Variants in ADIPOR2 observed in about 807,000 individuals in gnomAD.
ADIPOR2 encodes adiponectin receptor protein 2.
In ADIPOR2, 18 loss-of-function variants were observed where a neutral mutation model predicts 40.9. The observed-to-expected ratio is 0.44, with a 90% CI of 0.30 to 0.65. ADIPOR2 has a LOEUF of 0.65. Ranked by LOEUF, ADIPOR2 falls within the 30% of genes least tolerant of loss-of-function variation. ADIPOR2 has a pLI of 0.09. For missense variants in ADIPOR2, 283 were observed against 479.2 expected, an observed-to-expected ratio of 0.59 and a Z score of 3.82; for synonymous variants, 165 against 166.4, an observed-to-expected ratio of 0.99 and a Z score of 0.06.
chr12:1,716,736 A>T (rs1202174082), intron 1 of ADIPOR2, among the ~76,000 whole-genome samples: 1 of 152,202 alleles, frequency 6.6e-6, no homozygotes, highest in Non-Finnish European at 1.5e-5. Context: ...ATTTATTTTC[A>T]GTCTTTATTT....
At position 1,695,011 on chromosome 12, in the gene ADIPOR2, G is replaced by GTTTTTT. The variant is rs199627849; in HGVS notation, c.-87+3831_-87+3836dup. Among the ~76,000 whole-genome samples the GTTTTTT allele has an allele frequency of 4.7e-4, 60 of 128,262 alleles. 1 individual carries two copies. Among genetic ancestry groups the GTTTTTT allele is most frequent in the Non-Finnish European group, 7.5e-4 (46 of 61,296 alleles). 84.1% of individuals were successfully genotyped at this position (128,262 alleles called of 152,430 possible). On this transcript the variant is annotated intron_variant, in intron 1 of 7. Transcript: ENST00000357103. Reference sequence around the variant, plus strand: ...CATAGGGCTTATTCTTTGTGTTGCAGTTTTTTTTTTTTTTTTGTTTTGTTT... The same window carrying GTTTTTT: ...CATAGGGCTTATTCTTTGTGTTGCAGTTTTTTTTTTTTTTTTTTTTTTGTTTTGTTT...
At chr12:1,714,452 C>T (rs188587805) in intron 1 of ADIPOR2, among the ~76,000 whole-genome samples, 15 of 152,196 alleles carry the variant, frequency 9.9e-5, no homozygotes, top group Non-Finnish European at 1.8e-4. Flanking sequence ...TCAATTGACC[C>T]TCGAGTGAGT....
intron 6 of ADIPOR2, among the ~76,000 whole-genome samples, chr12:1,781,443 C>CT: frequency 6.6e-6 from 1 of 152,010 alleles, no homozygotes; most frequent in East Asian, 1.9e-4. Context: ...TGTAGTGATT[C>CT]TTTTTTTGTT....
chr12:1,741,744 A>G (rs1565644868), intron 1 of ADIPOR2, among the ~76,000 whole-genome samples: 1 of 152,204 alleles, frequency 6.6e-6, no homozygotes, highest in Non-Finnish European at 1.5e-5. Flanking sequence ...AAAGCCCTGG[A>G]GAGTATTGTA....
intron 1 of ADIPOR2, chr12:1,696,770 G>A (rs958906735): frequency 3.9e-5 from 6 of 153,116 alleles, no homozygotes; most frequent in Admixed American, 2.6e-4. Context: ...TGAGGATTTG[G>A]AAGAACTGAA....
At chr12:1,694,433 A>C (rs1267224499) in intron 1 of ADIPOR2, among the ~76,000 whole-genome samples, 1 of 152,256 alleles carries the variant, frequency 6.6e-6, no homozygotes, top group Non-Finnish European at 1.5e-5. Context: ...TAACCTGTGC[A>C]TATCCTCCCA....
chr12:1,734,078 C>T (rs1001204268), intron 1 of ADIPOR2, among the ~76,000 whole-genome samples: 6 of 152,106 alleles, frequency 3.9e-5, no homozygotes, highest in South Asian at 2.1e-4. Flanking sequence ...CATACGTTTG[C>T]GTGTGTCTTT....
At chr12:1,757,234 C>T (rs1862151908) in intron 2 of ADIPOR2, 2 of 527,374 alleles carry the variant, frequency 3.8e-6, no homozygotes, top group East Asian at 3.3e-5. Flanking sequence ...GACCATTTCA[C>T]CCACTGCTCT....
intron 2 of ADIPOR2, among the ~76,000 whole-genome samples, chr12:1,770,453 TATTTTATATAACATA>T (rs1862474697): frequency 6.6e-6 from 1 of 152,260 alleles, no homozygotes; most frequent in African/African-American, 2.4e-5. Flanking sequence ...ATATCTGAGC[TATTTTATATAACATA>T]ATTTTATATT....
intron 1 of ADIPOR2, among the ~76,000 whole-genome samples, chr12:1,694,812 C>CT (rs201414995): frequency 0.011 from 1,648 of 152,020 alleles, 24 homozygotes; most frequent in African/African-American, 0.037. Flanking sequence ...AAAAATTACA[C>CT]TTTTTTTTAG....
At chr12:1,718,982 C>A (rs1357898436) in intron 1 of ADIPOR2, among the ~76,000 whole-genome samples, 1 of 152,106 alleles carries the variant, frequency 6.6e-6, no homozygotes, top group African/African-American at 2.4e-5. Context: ...CTGTTTGATT[C>A]GAAATGATTC....
intron 2 of ADIPOR2, among the ~76,000 whole-genome samples, chr12:1,764,786 C>A (rs1862342228): frequency 6.6e-6 from 1 of 152,124 alleles, no homozygotes; most frequent in Admixed American, 6.6e-5. Context: ...TCATTGTAAT[C>A]ATTCCATATG....
At chr12:1,735,991 G>A (rs186379619) in intron 1 of ADIPOR2, among the ~76,000 whole-genome samples, 4 of 152,204 alleles carry the variant, frequency 2.6e-5, no homozygotes, top group African/African-American at 4.8e-5. Context: ...GCTGGATTCG[G>A]TTTGCCAGTA....
rs374340315 is a variant in ADIPOR2 at position 1,691,071 on chromosome 12, G to A, written c.-207G>A. The A allele has an allele frequency of 8.2e-4, 136 of 164,974 alleles. No homozygotes were observed. In the East Asian group the frequency reaches 0.016, roughly 20 times the overall value. 10.2% of individuals were successfully genotyped at this position (164,974 alleles called of 1,614,324 possible). On this transcript the variant is annotated 5_prime_UTR_variant, in exon 1 of 8. Transcript: ENST00000357103. ...TCGCGGCGGCGAGAGCGCGATTCCA[G>A]AAGCGGCATCGCGGCGGCGGCAGCG...
chr12:1,784,523 A>G (rs1862790270), intron 7 of ADIPOR2, among the ~76,000 whole-genome samples: 1 of 152,224 alleles, frequency 6.6e-6, no homozygotes, highest in South Asian at 2.1e-4. Flanking sequence ...TTCCTTATTT[A>G]TGAAATGAGG....
intron 1 of ADIPOR2, among the ~76,000 whole-genome samples, chr12:1,752,662 C>T (rs1862022246): frequency 6.6e-6 from 1 of 152,048 alleles, no homozygotes; most frequent in Non-Finnish European, 1.5e-5. Context: ...AACTCTAATC[C>T]TCAAAATGGA....
chr12:1,691,545 C>G (rs887598274), intron 1 of ADIPOR2, among the ~76,000 whole-genome samples: 1 of 152,212 alleles, frequency 6.6e-6, no homozygotes, highest in African/African-American at 2.4e-5. Flanking sequence ...GCTCCCTGCC[C>G]GCGGAGAGGA....
intron 1 of ADIPOR2, among the ~76,000 whole-genome samples, chr12:1,719,192 T>C (rs1359401913): frequency 6.6e-6 from 1 of 152,198 alleles, no homozygotes; most frequent in African/African-American, 2.4e-5. Flanking sequence ...AAAAAGGTTC[T>C]GAGTATTTAG....
At chr12:1,693,926 GC>G (rs1237302418) in intron 1 of ADIPOR2, among the ~76,000 whole-genome samples, 2 of 152,118 alleles carry the variant, frequency 1.3e-5, no homozygotes, top group African/African-American at 4.8e-5. Flanking sequence ...CTAGAAAGGG[GC>G]TTATGAACCG....
Sources: gnomAD v4.1 joint callset for allele counts (sites outside exome capture counted in the v4.1 genomes callset) on GRCh38, gnomAD v4.1.1 for gene constraint, MANE v1.5 for transcripts, NCBI Gene and HGNC (gene_info 2026-07-23, HGNC 2026-07-21) for gene names.